Variants in PACS1 observed in about 807,000 individuals in gnomAD.
PACS1 encodes phosphofurin acidic cluster sorting protein 1, also known as PACS-1.
In PACS1, 24 loss-of-function variants were observed where a neutral mutation model predicts 115.0. The observed-to-expected ratio is 0.21, with a 90% CI of 0.15 to 0.29. The LOEUF (loss-of-function observed/expected upper bound fraction) is 0.29. PACS1 is among the 10% of genes least tolerant of loss of function. The pLI is 1.00. For synonymous variants in PACS1, 453 were observed against 504.5 expected (o/e 0.90, Z 1.37); for missense variants, 838 against 1,251.2 (o/e 0.67, Z 4.98).
At chr11:66,215,619 G>T (rs915050079) in intron 4 of PACS1, among the ~76,000 whole-genome samples, 3 of 151,626 alleles carry the variant, frequency 2.0e-5, no homozygotes, top group Admixed American at 1.3e-4. Flanking sequence ...TAAAAAACAG[G>T]CTGGGTGCAG....
intron 1 of PACS1, among the ~76,000 whole-genome samples, chr11:66,134,725 CT>C (rs747058010): frequency 1.3e-5 from 2 of 152,002 alleles, no homozygotes; most frequent in Admixed American, 6.6e-5. Context: ...ATGGTGCCCC[CT>C]GATGGCCAGT....
At chr11:66,182,353 C>T (rs1464811232) in intron 1 of PACS1, among the ~76,000 whole-genome samples, 3 of 152,112 alleles carry the variant, frequency 2.0e-5, no homozygotes, top group Admixed American at 2.0e-4. Context: ...TTCCTTAGTT[C>T]TGTTTATTGT....
chr11:66,220,861 C>T, intron 9 of PACS1, 70 bp downstream of exon 9: 1 of 1,480,418 alleles, frequency 6.8e-7, no homozygotes, highest in Non-Finnish European at 9.2e-7. Context: ...TGACCCCTCC[C>T]TCGCTGTCCC....
chr11:66,118,273 A>C (rs1425014969), intron 1 of PACS1, among the ~76,000 whole-genome samples: 1 of 152,216 alleles, frequency 6.6e-6, no homozygotes, highest in Admixed American at 6.5e-5. Flanking sequence ...TTGAGCCACT[A>C]TCAAGACCTT....
intron 1 of PACS1, among the ~76,000 whole-genome samples, chr11:66,168,597 C>T (rs889272259): frequency 6.7e-6 from 1 of 150,302 alleles, no homozygotes; most frequent in East Asian, 1.9e-4. Context: ...GTCAGCCTCT[C>T]TGTGCCTCAT....
At chr11:66,242,256 G>A (rs1308282746) in intron 22 of PACS1, among the ~76,000 whole-genome samples, 1 of 152,160 alleles carries the variant, frequency 6.6e-6, no homozygotes. Flanking sequence ...CTGGGGACCC[G>A]CAACTGGTAG....
chr11:66,184,160 G>C (rs968979024), intron 1 of PACS1, among the ~76,000 whole-genome samples: 1 of 151,642 alleles, frequency 6.6e-6, no homozygotes, highest in African/African-American at 2.4e-5. Context: ...TATTAGAAGG[G>C]TATTAGCCGG....
intron 14 of PACS1, 94 bp from the exon 15 acceptor site, chr11:66,232,866 T>G (rs1590838689): frequency 1.1e-6 from 1 of 911,272 alleles, no homozygotes; most frequent in Non-Finnish European, 1.8e-6. Flanking sequence ...ACAGGGGCCC[T>G]GCAGCTCGGT....
intron 1 of PACS1, among the ~76,000 whole-genome samples, chr11:66,134,499 A>G (rs1478170497): frequency 2.0e-5 from 3 of 151,934 alleles, no homozygotes; most frequent in African/African-American, 7.3e-5. Context: ...CACGCTACGT[A>G]TCGTTGCCAT....
At chr11:66,097,993 A>G (rs1019820184) in intron 1 of PACS1, among the ~76,000 whole-genome samples, 6 of 152,178 alleles carry the variant, frequency 3.9e-5, no homozygotes, top group Admixed American at 3.9e-4. Context: ...CCCTGGCAAC[A>G]TGGTGAAACC....
intron 1 of PACS1, among the ~76,000 whole-genome samples, chr11:66,082,798 T>C (rs547983419): frequency 6.6e-6 from 1 of 152,178 alleles, no homozygotes; most frequent in South Asian, 2.1e-4. Context: ...GAGGTTGCAG[T>C]GAGCCAAGAT....
chr11:66,133,777 T>C (rs888810054), intron 1 of PACS1, among the ~76,000 whole-genome samples: 6 of 152,328 alleles, frequency 3.9e-5, no homozygotes, highest in African/African-American at 1.2e-4. Flanking sequence ...AGTGCTGGGA[T>C]TACAGGTGTG....
chr11:66,092,843 C>T (rs1447060159), intron 1 of PACS1, among the ~76,000 whole-genome samples: 15 of 151,714 alleles, frequency 9.9e-5, no homozygotes, highest in East Asian at 3.8e-4. Flanking sequence ...AGATATGCGG[C>T]GTTATTTCTG....
intron 11 of PACS1, among the ~76,000 whole-genome samples, chr11:66,229,211 CAA>C (rs386374029): frequency 1.4e-4 from 9 of 63,194 alleles, no homozygotes; most frequent in Non-Finnish European, 2.2e-4. Context: ...CCCGTCTCTA[CAA>C]AAAAAAAAAA....
intron 1 of PACS1, among the ~76,000 whole-genome samples, chr11:66,181,036 C>A (rs1433938000): frequency 6.6e-6 from 1 of 151,998 alleles, no homozygotes; most frequent in Non-Finnish European, 1.5e-5. Context: ...ACAGATAAGC[C>A]CTTCCTTATA....
chr11:66,138,387 A>AT (rs1230988340), intron 1 of PACS1, among the ~76,000 whole-genome samples: 2 of 152,042 alleles, frequency 1.3e-5, no homozygotes, highest in Non-Finnish European at 2.9e-5. Context: ...CGGCTTTTGC[A>AT]TTTTTAATAA....
chr11:66,168,740 GTA>G (rs34653629), intron 1 of PACS1, among the ~76,000 whole-genome samples: 60,731 of 142,794 alleles, frequency 0.43, 13,669 homozygotes, highest in Admixed American at 0.47. Flanking sequence ...TTCCTAAATA[GTA>G]TATATATATA....
Position 66,130,291 on chromosome 11 carries a change from C to G in PACS1, c.356+59449C>G, listed in dbSNP as rs571576242. Among the ~76,000 whole-genome samples, 13 of 152,090 alleles carry G rather than the reference C, an allele frequency of 8.5e-5. No individual in the cohort carries two copies. The East Asian group carries it at 2.3e-3, about 27-fold the overall frequency. On this transcript the variant is annotated intron_variant, in intron 1 of 23. Transcript: ENST00000320580. ...CCCTCCCCTCTAGCCCCCTTCCTTA[C>G]CTGGTAAGTCAAATGAACCAAATGT...
At position 66,238,860 on chromosome 11, in the gene PACS1, T is replaced by A. The variant is rs1855755134; in HGVS notation, c.2293+14T>A. ...CCTCCACAGCAGGTGAGGCTGGGGC[T>A]CCCTTGTTCTGTGGAGTGAGGCTGG... On this transcript the variant is annotated intron_variant, in intron 20 of 23. Transcript: ENST00000320580. 2 of 1,570,002 alleles carry A rather than the reference T, an allele frequency of 1.3e-6. No individual in the cohort carries two copies. The highest frequency in any genetic ancestry group is 4.7e-5 in the East Asian group (2 of 42,904).
Sources: gnomAD v4.1 joint callset for allele counts (sites outside exome capture counted in the v4.1 genomes callset) on GRCh38, gnomAD v4.1.1 for gene constraint, MANE v1.5 for transcripts, NCBI Gene and HGNC (gene_info 2026-07-23, HGNC 2026-07-21) for gene names.